Variants in XIRP2 observed in about 807,000 individuals in gnomAD.
The protein encoded by XIRP2 is xin actin-binding repeat-containing protein 2.
In XIRP2, 236 loss-of-function variants were observed where a neutral mutation model predicts 277.0. The observed-to-expected ratio is 0.85, with a 90% CI of 0.77 to 0.95. XIRP2 has a LOEUF of 0.95. Ranked by LOEUF, XIRP2 falls within the 40% of genes least tolerant of loss-of-function variation. XIRP2 has a pLI of 0.00. For synonymous variants in XIRP2, 1,490 were observed against 1,416.5 expected (o/e 1.05, Z -1.17); for missense variants, 4,640 against 4,157.5 (o/e 1.12, Z -3.19).
intron 2 of XIRP2, among the ~76,000 whole-genome samples, chr2:167,024,085 T>C (rs1215933850): frequency 6.6e-6 from 1 of 150,716 alleles, no homozygotes; most frequent in Non-Finnish European, 1.5e-5. Context: ...TTCCTACCCA[T>C]GAGCATGGAA....
chr2:167,137,824 G>C (rs1691598635), intron 3 of XIRP2, among the ~76,000 whole-genome samples: 1 of 152,064 alleles, frequency 6.6e-6, no homozygotes, highest in Non-Finnish European at 1.5e-5. Flanking sequence ...TCTGTATATT[G>C]CACAAGAACT....
rs1366623835 is a variant in XIRP2 at position 167,248,546 on chromosome 2, C to T, written c.7154C>T (p.Pro2385Leu). The T allele has an allele frequency of 1.2e-5, 19 of 1,613,594 alleles. No individual in the cohort carries two copies. The highest frequency in any genetic ancestry group is 3.3e-5 in the Admixed American group (2 of 59,928). The change falls in exon 9 of 11, where the codon CCG becomes CTG. Residue 2385 changes from proline (P) to leucine (L), a missense_variant. Physicochemically the swap from Pro to Leu is moderately conservative, Grantham distance 98. Coordinates refer to ENST00000409195, the MANE Select transcript of XIRP2 (RefSeq NM_152381.6). Reference sequence around the variant, plus strand: ...GCACATCTCCTTTCCTCCTCTGCTCCGGAAAAGCACAGTGGAGACTTCATG... The same window carrying T: ...GCACATCTCCTTTCCTCCTCTGCTCTGGAAAAGCACAGTGGAGACTTCATG... Reference protein sequence around the residue: ...KPAHLLSSSAPEKHSGDFMQQ... With the variant: ...KPAHLLSSSALEKHSGDFMQQ...
intron 2 of XIRP2, among the ~76,000 whole-genome samples, chr2:167,076,734 T>G (rs78057165): frequency 1.3e-5 from 2 of 152,224 alleles, no homozygotes; most frequent in African/African-American, 4.8e-5. Context: ...TCATAAGCAT[T>G]GATTATCTAC....
intron 2 of XIRP2, among the ~76,000 whole-genome samples, chr2:167,020,449 T>C (rs1264592540): frequency 1.3e-5 from 2 of 152,144 alleles, no homozygotes; most frequent in East Asian, 1.9e-4. Context: ...AATGAACTTA[T>C]GTAGTATATA....
At chr2:167,064,433 T>C (rs556266103) in intron 2 of XIRP2, among the ~76,000 whole-genome samples, 41 of 152,082 alleles carry the variant, frequency 2.7e-4, no homozygotes, top group Non-Finnish European at 4.7e-4. Flanking sequence ...ATGCAAATGA[T>C]TTCTGCCTAT....
chr2:167,039,326 T>A (rs1278791086), intron 2 of XIRP2, among the ~76,000 whole-genome samples: 1 of 152,208 alleles, frequency 6.6e-6, no homozygotes, highest in Non-Finnish European at 1.5e-5. Flanking sequence ...ATTCAATTAC[T>A]CACTCATTTA....
chr2:167,062,906 T>C (rs186342033), intron 2 of XIRP2, among the ~76,000 whole-genome samples: 177 of 151,650 alleles, frequency 1.2e-3, no homozygotes, highest in Middle Eastern at 3.4e-3. Flanking sequence ...TTTGGGTTGA[T>C]TGATTTTTTT....
intron 2 of XIRP2, among the ~76,000 whole-genome samples, chr2:166,986,418 T>C (rs1261715982): frequency 6.6e-6 from 1 of 152,228 alleles, no homozygotes. Flanking sequence ...CAATGGTCAC[T>C]TCAACTGAAA....
At chr2:167,140,817 T>G (rs1247423612) in intron 3 of XIRP2, 1 of 152,334 alleles carries the variant, frequency 6.6e-6, no homozygotes, top group Non-Finnish European at 1.5e-5. Flanking sequence ...TAAGTGTTTC[T>G]CTTTCTTACA....
At chr2:167,068,482 C>G (rs1689357612) in intron 2 of XIRP2, among the ~76,000 whole-genome samples, 2 of 152,134 alleles carry the variant, frequency 1.3e-5, no homozygotes, top group Non-Finnish European at 1.5e-5. Context: ...GAATAACAAA[C>G]AGTGTGTACA....
intron 5 of XIRP2, among the ~76,000 whole-genome samples, chr2:167,236,279 A>G (rs193209439): frequency 6.6e-6 from 1 of 151,802 alleles, no homozygotes; most frequent in East Asian, 1.9e-4. Flanking sequence ...CTTTTTCCTT[A>G]CTCATTGCAC....
chr2:167,150,005 A>G (rs902846736), intron 3 of XIRP2, among the ~76,000 whole-genome samples: 3 of 152,010 alleles, frequency 2.0e-5, no homozygotes, highest in Non-Finnish European at 2.9e-5. Context: ...GTGGGGTACT[A>G]TATTCACTAT....
In XIRP2 at chr2:166,952,492, A is replaced by G. The variant is rs73969935; in HGVS notation, c.408+48602A>G. ...CCATTCTTCTGAGAATTTTGCAATT[A>G]GGACAAACATGTCTAGAATTATACA... is the stretch of plus-strand genomic sequence containing the variant. On this transcript the variant is annotated intron_variant, in intron 2 of 10. Transcript: ENST00000409195. Among the ~76,000 whole-genome samples the G allele has an allele frequency of 2.1e-3, 315 of 152,134 alleles. 1 individual carries two copies. The highest frequency in any genetic ancestry group is 7.2e-3 in the African/African-American group (297 of 41,536).
intron 2 of XIRP2, among the ~76,000 whole-genome samples, chr2:167,015,330 C>G (rs940475258): frequency 6.6e-6 from 1 of 151,776 alleles, no homozygotes; most frequent in Non-Finnish European, 1.5e-5. Context: ...CTTCAATATT[C>G]TAAAGTCAGC....
rs1300209323 is a variant in XIRP2 at position 167,243,844 on chromosome 2, G to C, written c.2452G>C (p.Glu818Gln). ...AKWLFETQPL[E>Q]KIKESEEVII... ...GTGGTTATTTGAAACCCAACCTTTGGAGAAAATCAAAGAGTCAGAAGAGGT... is the reference window on the plus strand; with the variant it reads ...GTGGTTATTTGAAACCCAACCTTTGCAGAAAATCAAAGAGTCAGAAGAGGT... Residue 818 changes from glutamate (E) to glutamine (Q), a missense_variant, in exon 9 of 11, where the codon GAG becomes CAG. Glu to Gln is a conservative substitution (Grantham distance 29). Transcript: ENST00000409195. The C allele has an allele frequency of 6.2e-7, 1 of 1,613,728 alleles. No individual in the cohort carries two copies. Among genetic ancestry groups the C allele is most frequent in the Non-Finnish European group, 8.5e-7 (1 of 1,179,906 alleles).
chr2:166,937,931 C>T (rs536081408), intron 2 of XIRP2, among the ~76,000 whole-genome samples: 35 of 152,194 alleles, frequency 2.3e-4, no homozygotes, highest in South Asian at 2.3e-3. Flanking sequence ...TCTGTGGGAT[C>T]GGTGGTGATA....
chr2:167,049,380 T>C (rs540471330), intron 2 of XIRP2, among the ~76,000 whole-genome samples: 113 of 152,004 alleles, frequency 7.4e-4, no homozygotes, highest in African/African-American at 2.6e-3. Context: ...ACATTAGCTA[T>C]CCTTCATTTA....
intron 10 of XIRP2, among the ~76,000 whole-genome samples, chr2:167,256,555 A>G (rs1246395950): frequency 6.6e-6 from 1 of 151,706 alleles, no homozygotes; most frequent in Non-Finnish European, 1.5e-5. Flanking sequence ...GTCATAGGTT[A>G]AATTTTTGAT....
chr2:167,217,213 G>T (rs1694277446), intron 4 of XIRP2, among the ~76,000 whole-genome samples: 1 of 149,390 alleles, frequency 6.7e-6, no homozygotes, highest in African/African-American at 2.5e-5. Flanking sequence ...CAGCACACCA[G>T]CATGGCACAT....
Sources: allele counts gnomAD v4.1 joint callset (sites outside exome capture counted in the v4.1 genomes callset), GRCh38; gene constraint gnomAD v4.1.1; transcripts MANE v1.5; gene names NCBI Gene and HGNC (gene_info 2026-07-23, HGNC 2026-07-21).